The following RHOU variants were observed in gnomAD, a reference collection of about 807,000 sequenced individuals.
RHOU encodes ras homolog family member U, also known as rho-related GTP-binding protein RhoU.
RHOU carries 8 observed loss-of-function variants against 12.6 expected under a neutral mutation model. The observed-to-expected ratio is 0.64, with a 90% CI of 0.37 to 1.15. The LOEUF is 1.15. Ranked by LOEUF, RHOU falls within the 50% of genes most tolerant of loss-of-function variation. RHOU has a pLI of 0.01. For missense variants in RHOU, 258 were observed against 347.0 expected (o/e 0.74, Z 2.04); for synonymous variants, 161 against 147.4 (o/e 1.09, Z -0.67).
intron 2 of RHOU, among the ~76,000 whole-genome samples, chr1:228,742,669 G>T (rs1662748647): frequency 1.3e-5 from 2 of 152,206 alleles, no homozygotes; most frequent in Admixed American, 6.5e-5. Context: ...GACTGACAAA[G>T]GTCCTCAACT....
chr1:228,689,053 CCTT>C, the RHOU span, among the ~76,000 whole-genome samples: 1 of 152,220 alleles, frequency 6.6e-6, no homozygotes, highest in Non-Finnish European at 1.5e-5. Flanking sequence ...GACCTCTCCT[CCTT>C]CTCCGCCTGA....
chr1:228,717,701 T>A, the RHOU span, among the ~76,000 whole-genome samples: 5 of 152,244 alleles, frequency 3.3e-5, no homozygotes, highest in Non-Finnish European at 5.9e-5. Context: ...AGTGGAATGA[T>A]CTTACCATAA....
the RHOU span, among the ~76,000 whole-genome samples, chr1:228,679,709 G>A: frequency 6.6e-5 from 10 of 152,020 alleles, no homozygotes; most frequent in Admixed American, 3.3e-4. Context: ...TAAAGCATGC[G>A]GTGGGATGGG....
At chr1:228,727,777 C>T in the RHOU span, among the ~76,000 whole-genome samples, 1 of 152,098 alleles carries the variant, frequency 6.6e-6, no homozygotes, top group Non-Finnish European at 1.5e-5. Context: ...AACTGCTGGC[C>T]AGGGTGATTA....
At chr1:228,724,844 C>T in the RHOU span, among the ~76,000 whole-genome samples, 2 of 152,152 alleles carry the variant, frequency 1.3e-5, no homozygotes, top group Non-Finnish European at 2.9e-5. Context: ...CATGGGTGCT[C>T]TTTCATTATG....
At chr1:228,712,414 C>G in the RHOU span, among the ~76,000 whole-genome samples, 4 of 151,738 alleles carry the variant, frequency 2.6e-5, no homozygotes, top group African/African-American at 7.3e-5. Flanking sequence ...CCAACCCACA[C>G]GTCCAACAAT....
chr1:228,712,615 A>T, the RHOU span, among the ~76,000 whole-genome samples: 1 of 139,140 alleles, frequency 7.2e-6, no homozygotes, highest in South Asian at 2.3e-4. Context: ...AACAATGAGA[A>T]CACATGGACA....
At chr1:228,684,788 T>C in the RHOU span, among the ~76,000 whole-genome samples, 4 of 152,186 alleles carry the variant, frequency 2.6e-5, no homozygotes, top group East Asian at 7.7e-4. Flanking sequence ...TTCCAGTTTC[T>C]GGCTTGCAGA....
chr1:228,670,713 G>A, the RHOU span, among the ~76,000 whole-genome samples: 1 of 152,220 alleles, frequency 6.6e-6, no homozygotes, highest in Non-Finnish European at 1.5e-5. Flanking sequence ...GATTCTCAGT[G>A]TTGGAGCAGA....
At chr1:228,657,804 AAGAT>A in the RHOU span, among the ~76,000 whole-genome samples, 2 of 152,246 alleles carry the variant, frequency 1.3e-5, no homozygotes, top group African/African-American at 4.8e-5. Context: ...TAAATTTTAA[AAGAT>A]AGATAGCATA....
chr1:228,661,038 A>C, the RHOU span, among the ~76,000 whole-genome samples: 4 of 152,164 alleles, frequency 2.6e-5, no homozygotes, highest in African/African-American at 7.2e-5. Context: ...CTATACACCA[A>C]TAACAGACAA....
At chr1:228,735,114 C>T (rs1371629775), upstream of RHOU, 1 of 152,298 alleles carries the variant, frequency 6.6e-6, no homozygotes, top group Admixed American at 6.5e-5. This position sits in a 1 kb window ranked among gnomAD's most constrained non-coding sequence, Gnocchi z 8.1. Flanking sequence ...CTCAGGCTTC[C>T]TGGCTCGCGT....
At chr1:228,672,279 C>T in the RHOU span, among the ~76,000 whole-genome samples, 2 of 152,100 alleles carry the variant, frequency 1.3e-5, no homozygotes, top group Non-Finnish European at 2.9e-5. Flanking sequence ...GCAATTCTCC[C>T]ACCTCTGGAG....
chr1:228,658,643 A>G, the RHOU span, among the ~76,000 whole-genome samples: 1 of 152,254 alleles, frequency 6.6e-6, no homozygotes, highest in African/African-American at 2.4e-5. Flanking sequence ...ATATATTCTT[A>G]AACAACCAAT....
At chr1:228,665,819 A>G in the RHOU span, among the ~76,000 whole-genome samples, 1 of 152,284 alleles carries the variant, frequency 6.6e-6, no homozygotes, top group African/African-American at 2.4e-5. Context: ...CTAGTGGTTC[A>G]AATAGTAATA....
chr1:228,710,692 A>C, the RHOU span, among the ~76,000 whole-genome samples: 4 of 150,546 alleles, frequency 2.7e-5, no homozygotes, highest in African/African-American at 9.7e-5. Flanking sequence ...TGACAAACCC[A>C]CAGCCAATAT....
the RHOU span, among the ~76,000 whole-genome samples, chr1:228,708,069 T>G: frequency 2.0e-5 from 3 of 151,678 alleles, no homozygotes; most frequent in Admixed American, 6.6e-5. Context: ...TGATGGAAGA[T>G]GAAATGAATA....
the RHOU span, among the ~76,000 whole-genome samples, chr1:228,647,235 G>A: frequency 1.3e-5 from 2 of 152,186 alleles, no homozygotes; most frequent in African/African-American, 4.8e-5. Flanking sequence ...GCTTGCTTTG[G>A]AGGTGGGTTT....
chr1:228,659,562 C>T, the RHOU span, among the ~76,000 whole-genome samples: 22 of 148,112 alleles, frequency 1.5e-4, no homozygotes, highest in Non-Finnish European at 2.8e-4. Flanking sequence ...TCAACAAAAC[C>T]AAAAGCTGGT....
Sources: gnomAD v4.1 joint callset for allele counts (sites outside exome capture counted in the v4.1 genomes callset) on GRCh38, gnomAD v4.1.1 for gene constraint, Gnocchi (gnomAD v3.1) non-coding constraint, MANE v1.5 for transcripts, NCBI Gene and HGNC (gene_info 2026-07-23, HGNC 2026-07-21) for gene names.